The following SH3GL2 variants were observed in gnomAD, a reference collection of about 807,000 sequenced individuals.
SH3GL2 encodes the protein SH3 domain containing GRB2 like 2, endophilin A1, also known as endophilin-A1.
Under a neutral mutation model 46.0 loss-of-function variants are expected in SH3GL2, and 24 were observed. That is an observed-to-expected ratio of 0.52 (90% CI 0.38 to 0.73). The LOEUF (loss-of-function observed/expected upper bound fraction) is 0.73, where lower values mean the gene tolerates loss of function less well. Ranked by LOEUF, SH3GL2 falls within the 30% of genes least tolerant of loss-of-function variation. The pLI is 0.00. For synonymous variants in SH3GL2, 196 were observed against 147.1 expected (o/e 1.33, Z -2.40); for missense variants, 413 against 424.2 (o/e 0.97, Z 0.23).
At chr9:17,618,873 AAG>A (rs1164578421) in intron 1 of SH3GL2, among the ~76,000 whole-genome samples, 1 of 151,692 alleles carries the variant, frequency 6.6e-6, no homozygotes, top group Admixed American at 6.6e-5. Context: ...ATCTCCTTGC[AAG>A]AGAGAGAGAG....
chr9:17,761,702 A>G (rs1271308820), intron 3 of SH3GL2, among the ~76,000 whole-genome samples, 193 bp downstream of exon 3: 5 of 152,198 alleles, frequency 3.3e-5, no homozygotes, highest in African/African-American at 9.6e-5. Context: ...CATTGAAGTA[A>G]CTGGAAGATC....
At chr9:17,777,566 G>T (rs1172024860) in intron 3 of SH3GL2, among the ~76,000 whole-genome samples, 1 of 152,086 alleles carries the variant, frequency 6.6e-6, no homozygotes, top group Non-Finnish European at 1.5e-5. Flanking sequence ...AGTTCTGGAG[G>T]TTATATAGTC....
At chr9:17,647,294 A>T (rs1398057076) in intron 1 of SH3GL2, among the ~76,000 whole-genome samples, 1 of 152,236 alleles carries the variant, frequency 6.6e-6, no homozygotes, top group Non-Finnish European at 1.5e-5. Flanking sequence ...GAAGACTAAA[A>T]TGAATAATAG....
intron 1 of SH3GL2, among the ~76,000 whole-genome samples, chr9:17,608,561 T>G (rs1366868446): frequency 1.3e-5 from 2 of 152,208 alleles, no homozygotes; most frequent in Non-Finnish European, 2.9e-5. Context: ...TCCAGTGAAG[T>G]GACAATGTGT....
At chr9:17,685,158 T>C (rs1820870895) in intron 1 of SH3GL2, among the ~76,000 whole-genome samples, 1 of 152,010 alleles carries the variant, frequency 6.6e-6, no homozygotes, top group Non-Finnish European at 1.5e-5. Context: ...GGTATATGTA[T>C]ATTTATGAGT....
intron 1 of SH3GL2, among the ~76,000 whole-genome samples, chr9:17,634,545 A>G (rs192157486): frequency 4.0e-4 from 61 of 152,236 alleles, no homozygotes; most frequent in African/African-American, 1.4e-3. Flanking sequence ...ACCACTAGAG[A>G]CTTAGCTTCT....
At chr9:17,760,125 A>T (rs753864695) in intron 2 of SH3GL2, among the ~76,000 whole-genome samples, 1 of 152,168 alleles carries the variant, frequency 6.6e-6, no homozygotes, top group Non-Finnish European at 1.5e-5. Context: ...TACACACTCA[A>T]TCTTAAAGAT....
intron 1 of SH3GL2, among the ~76,000 whole-genome samples, chr9:17,655,208 T>G (rs1820046430): frequency 6.6e-6 from 1 of 152,216 alleles, no homozygotes; most frequent in Non-Finnish European, 1.5e-5. Context: ...TAATTTCTGA[T>G]CAAATAAATA....
At chr9:17,646,812 C>T (rs1425830446) in intron 1 of SH3GL2, among the ~76,000 whole-genome samples, 1 of 152,178 alleles carries the variant, frequency 6.6e-6, no homozygotes, top group Non-Finnish European at 1.5e-5. Context: ...GTCTGTCGAC[C>T]CCTGCTGGGA....
In SH3GL2 at chr9:17,761,423, T is replaced by C; in HGVS notation, c.115-14T>C. The C allele has an allele frequency of 1.3e-6, 2 of 1,567,658 alleles. No homozygotes were observed. Among genetic ancestry groups the C allele is most frequent in the South Asian group, 2.2e-5 (2 of 90,138 alleles). On this transcript the variant is annotated splice_polypyrimidine_tract_variant and intron_variant, in intron 2 of 8. Transcript: ENST00000380607. ...TCATTTTTGTCATTTAGAGCACTTA[T>C]TTTCTCATTTCAGAAAGTGGATGTC...
chr9:17,615,228 A>G (rs568468769), intron 1 of SH3GL2, among the ~76,000 whole-genome samples: 1 of 152,234 alleles, frequency 6.6e-6, no homozygotes, highest in African/African-American at 2.4e-5. Context: ...AGTCTGTTTT[A>G]CAAGAAGTGT....
intron 3 of SH3GL2, among the ~76,000 whole-genome samples, chr9:17,770,517 A>T (rs1350052366): frequency 6.6e-6 from 1 of 152,184 alleles, no homozygotes; most frequent in Admixed American, 6.5e-5. Context: ...TTGGGTGTAG[A>T]TGGAACCTGT....
At chr9:17,737,937 C>T (rs1468530879) in intron 1 of SH3GL2, among the ~76,000 whole-genome samples, 3 of 152,126 alleles carry the variant, frequency 2.0e-5, no homozygotes, top group South Asian at 4.1e-4. Flanking sequence ...CTTACTTACT[C>T]CTTTCAGAAT....
chr9:17,734,358 A>G (rs937062548), intron 1 of SH3GL2, among the ~76,000 whole-genome samples: 3 of 152,148 alleles, frequency 2.0e-5, no homozygotes, highest in African/African-American at 7.2e-5. Context: ...ATTGATGCTC[A>G]TAGATTGACA....
intron 1 of SH3GL2, among the ~76,000 whole-genome samples, chr9:17,706,993 A>G (rs898496534): frequency 2.0e-5 from 3 of 152,010 alleles, no homozygotes; most frequent in Admixed American, 6.6e-5. Flanking sequence ...TTGTATATAT[A>G]TATGCACTTG....
At chr9:17,646,957 T>G (rs1819833793) in intron 1 of SH3GL2, among the ~76,000 whole-genome samples, 1 of 152,176 alleles carries the variant, frequency 6.6e-6, no homozygotes, top group Non-Finnish European at 1.5e-5. Flanking sequence ...CGTTTAAAAC[T>G]GCTGAAGCTG....
At chr9:17,753,869 G>T (rs561674609) in intron 2 of SH3GL2, among the ~76,000 whole-genome samples, 94 of 152,244 alleles carry the variant, frequency 6.2e-4, no homozygotes, top group Non-Finnish European at 1.2e-3. Flanking sequence ...GTGTAAGGAA[G>T]GGGTCCAGTT....
intron 1 of SH3GL2, among the ~76,000 whole-genome samples, chr9:17,608,147 CTTTTT>C (rs58474566): frequency 5.0e-5 from 6 of 120,334 alleles, no homozygotes; most frequent in Non-Finnish European, 9.9e-5. Context: ...AAGCTTTCCT[CTTTTT>C]TTTTTTTTTT....
At chr9:17,721,221 C>T (rs897865949) in intron 1 of SH3GL2, among the ~76,000 whole-genome samples, 4 of 152,014 alleles carry the variant, frequency 2.6e-5, no homozygotes, top group African/African-American at 7.2e-5. Flanking sequence ...AGAAAATTAA[C>T]ATCGAAATGG....
Sources: gnomAD v4.1 joint callset for allele counts (sites outside exome capture counted in the v4.1 genomes callset) on GRCh38, gnomAD v4.1.1 for gene constraint, MANE v1.5 for transcripts, NCBI Gene and HGNC (gene_info 2026-07-23, HGNC 2026-07-21) for gene names.